RFX3: variants seen among roughly 807,000 people sequenced by gnomAD.
RFX3 encodes the protein transcription factor RFX3.
RFX3 carries 14 observed loss-of-function variants against 98.6 expected under a neutral mutation model. The ratio of observed to expected loss-of-function variants is 0.14; its 90% CI spans 0.09 to 0.22. The LOEUF (loss-of-function observed/expected upper bound fraction) is 0.22. Ranked by LOEUF, RFX3 falls within the 10% of genes least tolerant of loss-of-function variation. The probability of loss-of-function intolerance (pLI) is 1.00; values close to 1 mark genes in which losing one functional copy is unlikely to be tolerated. For synonymous variants in RFX3, 383 were observed against 328.4 expected, an observed-to-expected ratio of 1.17 and a Z score of -1.80; for missense variants, 639 against 926.9, an observed-to-expected ratio of 0.69 and a Z score of 4.03.
intron 1 of RFX3, among the ~76,000 whole-genome samples, chr9:3,425,070 A>T (rs893470444): frequency 1.3e-5 from 2 of 152,122 alleles, no homozygotes; most frequent in African/African-American, 4.8e-5. Context: ...CTCTACAAAA[A>T]ATCTAAAAAT....
At chr9:3,229,749 A>G (rs1818243922) in intron 15 of RFX3, among the ~76,000 whole-genome samples, 1 of 152,270 alleles carries the variant, frequency 6.6e-6, no homozygotes, top group African/African-American at 2.4e-5. Context: ...TTAGAAATTC[A>G]GATTTCTCAA....
chr9:3,409,606 C>T (rs1842285880), intron 1 of RFX3, among the ~76,000 whole-genome samples: 1 of 152,128 alleles, frequency 6.6e-6, no homozygotes, highest in African/African-American at 2.4e-5. Flanking sequence ...ATTTAGAAAA[C>T]TGGTCATTAG....
intron 1 of RFX3, among the ~76,000 whole-genome samples, chr9:3,472,220 T>A (rs958862774): frequency 3.9e-5 from 6 of 152,170 alleles, no homozygotes; most frequent in African/African-American, 1.4e-4. Flanking sequence ...GCCAAGAATA[T>A]TAAAGCACCG....
At chr9:3,474,079 G>A (rs1191740550) in intron 1 of RFX3, among the ~76,000 whole-genome samples, 1 of 152,148 alleles carries the variant, frequency 6.6e-6, no homozygotes, top group Non-Finnish European at 1.5e-5. Flanking sequence ...TGAGGCTGCT[G>A]GGCTGGGAAC....
At chr9:3,241,698 GACT>G (rs1819945013) in intron 15 of RFX3, among the ~76,000 whole-genome samples, 1 of 152,238 alleles carries the variant, frequency 6.6e-6, no homozygotes, top group East Asian at 1.9e-4. Flanking sequence ...ACCAAACTAC[GACT>G]TCTTTAAAAA....
chr9:3,291,460 TTAGAACCATTAGATCATACCCC>T (rs1563871384), intron 6 of RFX3, among the ~76,000 whole-genome samples: 1 of 151,842 alleles, frequency 6.6e-6, no homozygotes, highest in South Asian at 2.1e-4. Flanking sequence ...TTCCCCCAGA[TTAGAACCATTAGATCATACCCC>T]TAGAACCATT....
At chr9:3,440,479 T>A (rs1845520700) in intron 1 of RFX3, among the ~76,000 whole-genome samples, 1 of 152,038 alleles carries the variant, frequency 6.6e-6, no homozygotes, top group African/African-American at 2.4e-5. Context: ...ATTAAAAAAA[T>A]AAATTTATAA....
chr9:3,478,244 T>C (rs1374949706), intron 1 of RFX3, among the ~76,000 whole-genome samples: 1 of 152,122 alleles, frequency 6.6e-6, no homozygotes, highest in Non-Finnish European at 1.5e-5. Context: ...TTTTAGGTAA[T>C]ATATTTTAAC....
chr9:3,414,169 A>G (rs1379511193), intron 1 of RFX3, among the ~76,000 whole-genome samples: 2 of 152,140 alleles, frequency 1.3e-5, no homozygotes, highest in Non-Finnish European at 2.9e-5. Flanking sequence ...CAACATTGGC[A>G]AAAGACAAAA....
At chr9:3,253,754 C>T (rs867954268) in intron 14 of RFX3, among the ~76,000 whole-genome samples, 20 of 152,218 alleles carry the variant, frequency 1.3e-4, no homozygotes, top group Middle Eastern at 3.4e-3. Context: ...GATTTCAGAA[C>T]ATGAAGGGCC....
rs1267078360 is a variant in RFX3 at position 3,457,368 on chromosome 9, C to A, written c.-8-61772G>T. On this transcript the variant is annotated intron_variant, in intron 1 of 16. Coordinates refer to ENST00000617270, the MANE Select transcript of RFX3 (RefSeq NM_001282116.2). ...AAGTCATTTAATCCTAGGACATTAA[C>A]TAGTTGAGAGCAAAAAAGTGCTTTC... Among the ~76,000 whole-genome samples the A allele has an allele frequency of 3.9e-5, 6 of 152,174 alleles. 1 individual carries two copies. The highest frequency in any genetic ancestry group is 1.4e-4 in the African/African-American group (6 of 41,554).
chr9:3,427,531 G>A (rs1006848127), intron 1 of RFX3, among the ~76,000 whole-genome samples: 2 of 147,342 alleles, frequency 1.4e-5, no homozygotes, highest in Non-Finnish European at 1.5e-5. Context: ...ATAATACAAT[G>A]CAGAGAACAT....
rs113424988 is a variant in RFX3, at chr9:3,225,156, G to T, written c.2136C>A (p.Leu712=). Reference sequence around the variant, plus strand: ...GGAGGCTTGGTTGCACGCCAGTCTCGAGAACAGGCTGCATGCAGCCCACTG... The same window carrying T: ...GGAGGCTTGGTTGCACGCCAGTCTCTAGAACAGGCTGCATGCAGCCCACTG... The part of the protein sequence containing the change: ...AFPVGCMQPV[L]ETGVQPSLLN... Residue 712 remains leucine, a synonymous_variant, in exon 17 of 17, where the codon CTC becomes CTA. Coordinates refer to ENST00000617270, the MANE Select transcript of RFX3 (RefSeq NM_001282116.2). 6.2e-7 allele frequency: 1 copy of T among 1,613,832 alleles called. No homozygotes were observed. Among genetic ancestry groups the T allele is most frequent in the Admixed American group, 1.7e-5 (1 of 59,932 alleles).
chr9:3,395,651 C>G (rs1044434740), intron 1 of RFX3, 55 bp from the exon 2 acceptor site: 10 of 1,583,228 alleles, frequency 6.3e-6, no homozygotes, highest in East Asian at 2.2e-5. Flanking sequence ...GCATGACTAG[C>G]TTCCTTACAA....
intron 1 of RFX3, among the ~76,000 whole-genome samples, chr9:3,518,099 C>T (rs1055843716): frequency 1.3e-5 from 2 of 152,158 alleles, no homozygotes; most frequent in African/African-American, 4.8e-5. Context: ...GGTTTATAGA[C>T]GAGAACAATA....
intron 1 of RFX3, among the ~76,000 whole-genome samples, chr9:3,498,573 T>C (rs567623859): frequency 5.2e-4 from 79 of 152,214 alleles, no homozygotes; most frequent in African/African-American, 1.9e-3. Context: ...AAAACTTCTT[T>C]ACGTGATATC....
chr9:3,335,505 A>G (rs1833068596), intron 3 of RFX3, among the ~76,000 whole-genome samples: 1 of 152,110 alleles, frequency 6.6e-6, no homozygotes, highest in African/African-American at 2.4e-5. Context: ...AAACGACTCA[A>G]TTTTTGGCAT....
intron 1 of RFX3, among the ~76,000 whole-genome samples, chr9:3,450,062 G>C (rs562665441): frequency 6.6e-6 from 1 of 152,286 alleles, no homozygotes; most frequent in Admixed American, 6.5e-5. Flanking sequence ...TTGATGGGCT[G>C]TAAAATTCAA....
In RFX3 at chr9:3,298,013, G is replaced by T. The variant is rs562846690; in HGVS notation, c.549+3533C>A. On this transcript the variant is annotated intron_variant, in intron 5 of 16. Coordinates refer to ENST00000617270, the MANE Select transcript of RFX3 (RefSeq NM_001282116.2). ...AAAATAATCTTGTCTGCAATGAAAA[G>T]AATTAAATATTTTAATTTCATTTAG... Among the ~76,000 whole-genome samples the T allele has an allele frequency of 4.0e-5, 6 of 151,656 alleles. No individual in the cohort carries two copies. The South Asian group carries it at 1.0e-3, about 26-fold the overall frequency.
Sources: allele counts gnomAD v4.1 joint callset (sites outside exome capture counted in the v4.1 genomes callset), GRCh38; gene constraint gnomAD v4.1.1; transcripts MANE v1.5; gene names NCBI Gene and HGNC (gene_info 2026-07-23, HGNC 2026-07-21).